DKC1: variants seen among roughly 807,000 people sequenced by gnomAD.
DKC1 encodes the protein H/ACA ribonucleoprotein complex subunit DKC1.
In DKC1, 4 loss-of-function variants were observed where a neutral mutation model predicts 46.7. The ratio of observed to expected loss-of-function variants is 0.09; its 90% CI spans 0.04 to 0.20. DKC1 has a LOEUF of 0.20. DKC1 is among the 10% of genes least tolerant of loss of function. DKC1 has a pLI of 1.00. For missense variants in DKC1, 171 were observed against 404.2 expected, an observed-to-expected ratio of 0.42 and a Z score of 4.95; for synonymous variants, 141 against 142.4, an observed-to-expected ratio of 0.99 and a Z score of 0.07.
chrX:154,775,505 C>T (rs782774556), intron 13 of DKC1, among the ~76,000 whole-genome samples: 1 of 112,010 alleles, frequency 8.9e-6, no homozygotes, highest in African/African-American at 3.2e-5. Context: ...AATGTGGGCT[C>T]AGGAATCAGA....
chrX:154,776,907 T>A lies in DKC1; in HGVS notation c.*40T>A. On this transcript the variant is annotated 3_prime_UTR_variant, in exon 15 of 15. Coordinates refer to ENST00000369550, the MANE Select transcript of DKC1 (RefSeq NM_001363.5). The stretch of plus-strand genomic sequence containing the variant: ...AGCTGGAGGAGAAACTAAAGCCTTA[T>A]TGAGAAAACATGTTATAGATCCTTT... 1.9e-6 allele frequency: 2 copies of A among 1,072,842 alleles called. No homozygotes were observed. The highest frequency in any genetic ancestry group is 2.6e-6 in the Non-Finnish European group (2 of 782,743). 88.4% of individuals were successfully genotyped at this position (1,072,842 alleles called of 1,213,427 possible). A position where few individuals can be genotyped will look rare whatever the true frequency, so the allele number is the denominator to read the frequency against.
At position 154,777,393 on chromosome X, in the gene DKC1, G is replaced by C. The variant is rs1404237122; in HGVS notation, c.*526G>C. ...GATGGGCCTGGTAGTTTTCCATCTT[G>C]TTCTGGCCTAGAGGTCAGTCCTTTG... On this transcript the variant is annotated 3_prime_UTR_variant, in exon 15 of 15. Transcript: ENST00000369550. 2 of 126,428 alleles carry C rather than the reference G, an allele frequency of 1.6e-5. No individual in the cohort carries two copies. Among genetic ancestry groups the C allele is most frequent in the Non-Finnish European group, 3.2e-5 (2 of 62,507 alleles). The allele number at this position is 126,428 out of a possible 1,213,427, so 10.4% of individuals were successfully genotyped here. A position where few individuals can be genotyped will look rare whatever the true frequency, so the allele number is the denominator to read the frequency against.
intron 10 of DKC1, 38 bp from the exon 11 acceptor site, chrX:154,773,093 C>T (rs1458683604): frequency 1.0e-6 from 1 of 955,579 alleles, no homozygotes; most frequent in Non-Finnish European, 1.5e-6. Context: ...AATTCTTTCA[C>T]CCTTCAAATA....
intron 7 of DKC1, 117 bp downstream of exon 7, chrX:154,767,499 A>G (rs1379625515): frequency 5.7e-6 from 5 of 880,353 alleles, no homozygotes; most frequent in Non-Finnish European, 8.3e-6. Context: ...CAGCTGGGAT[A>G]TTGTCTGTGG....
chrX:154,766,282 A>C lies in DKC1; in HGVS notation c.330A>C (p.Arg110=), dbSNP rs782022545. 8.3e-7 allele frequency: 1 copy of C among 1,206,426 alleles called. No individual in the cohort carries two copies. Among genetic ancestry groups the C allele is most frequent in the East Asian group, 3.0e-5 (1 of 33,699 alleles). Reference sequence around the variant, plus strand: ...CCCATGAGGTGGTAGCCTGGATTCGACGGATACTTCGGGTGGAGAAGACAG... The same window carrying C: ...CCCATGAGGTGGTAGCCTGGATTCGCCGGATACTTCGGGTGGAGAAGACAG... ...PSSHEVVAWI[R]RILRVEKTGH... Residue 110 remains arginine, a synonymous_variant, in exon 5 of 15, where the codon CGA becomes CGC. Coordinates refer to ENST00000369550, the MANE Select transcript of DKC1 (RefSeq NM_001363.5).
intron 11 of DKC1, among the ~76,000 whole-genome samples, chrX:154,774,377 C>T (rs937903470): frequency 6.3e-5 from 7 of 111,421 alleles, no homozygotes; most frequent in Non-Finnish European, 1.3e-4. Flanking sequence ...AGAGTGGCTG[C>T]GGTGGGGACG....
In DKC1 at chrX:154,776,791, C is replaced by G; in HGVS notation, c.1477-8C>G. Reference sequence around the variant, plus strand: ...GTATCTGTGAGCTTTCATTCTCTTTCTTTCTAGGACAGTGATACCACCAAG... The same window carrying G: ...GTATCTGTGAGCTTTCATTCTCTTTGTTTCTAGGACAGTGATACCACCAAG... On this transcript the variant is annotated splice_polypyrimidine_tract_variant and splice_region_variant and intron_variant, in intron 14 of 14. Transcript: ENST00000369550. 5.8e-6 allele frequency: 7 copies of G among 1,205,421 alleles called. No individual in the cohort carries two copies. Among genetic ancestry groups the G allele is most frequent in the Non-Finnish European group, 7.9e-6 (7 of 891,157 alleles).
At chrX:154,775,854 G>C (rs1311584594) in intron 13 of DKC1, among the ~76,000 whole-genome samples, 1 of 112,100 alleles carries the variant, frequency 8.9e-6, no homozygotes, top group African/African-American at 3.2e-5. Flanking sequence ...AGGAGCTTCT[G>C]ACTTGTCAGA....
chrX:154,774,791 G>A (rs947460497), intron 12 of DKC1, 86 bp downstream of exon 12: 1 of 847,748 alleles, frequency 1.2e-6, no homozygotes, highest in Non-Finnish European at 1.8e-6. Flanking sequence ...AACAGGTGAG[G>A]ATGGGAAGGT....
Position 154,764,985 on chromosome X carries a change from G to C in DKC1, c.84+19G>C. 3 of 1,154,924 alleles carry C rather than the reference G, an allele frequency of 2.6e-6. No homozygotes were observed. The highest frequency in any genetic ancestry group is 3.6e-6 in the Non-Finnish European group (3 of 844,101). On this transcript the variant is annotated intron_variant, in intron 2 of 14. Transcript: ENST00000369550. ...TGTAGCCGTGAGTAGTAATGTGTTTGACTTCACTTTGACTAAAAAGAAAGT... is the reference window on the plus strand; with the variant it reads ...TGTAGCCGTGAGTAGTAATGTGTTTCACTTCACTTTGACTAAAAAGAAAGT...
In DKC1 at chrX:154,776,327, G is replaced by A; in HGVS notation, c.1476+3G>A. On this transcript the variant is annotated splice_donor_region_variant and intron_variant, in intron 14 of 14. Transcript: ENST00000369550. Reference sequence around the variant, plus strand: ...GCGGGGCCGAGCCTGGAGATGGGGTGTGTGGAAACACGTTCAGGTTCCTTG... The same window carrying A: ...GCGGGGCCGAGCCTGGAGATGGGGTATGTGGAAACACGTTCAGGTTCCTTG... The A allele has an allele frequency of 8.4e-7, 1 of 1,186,787 alleles. No individual in the cohort carries two copies. The highest frequency in any genetic ancestry group is 1.1e-6 in the Non-Finnish European group (1 of 882,427).
chrX:154,768,020 T>C (rs977018357), intron 7 of DKC1: 3 of 294,084 alleles, frequency 1.0e-5, no homozygotes, highest in African/African-American at 8.4e-5. Context: ...CCGGCTAATT[T>C]TTTGTACATT....
At chrX:154,771,778 C>G (rs1479018254) in intron 10 of DKC1, among the ~76,000 whole-genome samples, 1 of 111,929 alleles carries the variant, frequency 8.9e-6, no homozygotes, top group Non-Finnish European at 1.9e-5. Context: ...TTTTCTTTAT[C>G]CATTTATCTG....
chrX:154,772,108 C>A (rs2071833316), intron 10 of DKC1, among the ~76,000 whole-genome samples: 2 of 112,499 alleles, frequency 1.8e-5, no homozygotes, highest in South Asian at 7.3e-4. Context: ...TCGTGATCAG[C>A]ATTGAGCACT....
At chrX:154,765,805 G>A (rs782397171) in intron 3 of DKC1, 102 bp from the exon 4 acceptor site, 12 of 644,755 alleles carry the variant, frequency 1.9e-5, no homozygotes, top group Admixed American at 6.8e-5. Flanking sequence ...AGTCCATCTT[G>A]CAGACCTATG....
In DKC1 at chrX:154,764,885, G is replaced by A. The variant is rs782231492; in HGVS notation, c.17-14G>A. The A allele has an allele frequency of 1.7e-6, 2 of 1,183,772 alleles. No homozygotes were observed. Among genetic ancestry groups the A allele is most frequent in the South Asian group, 3.6e-5 (2 of 56,316 alleles). On this transcript the variant is annotated splice_polypyrimidine_tract_variant and intron_variant, in intron 1 of 14. Coordinates refer to ENST00000369550, the MANE Select transcript of DKC1 (RefSeq NM_001363.5). Reference sequence around the variant, plus strand: ...CTTGGGGAAAATTCCCAAATCCTGTGTTTGTTTTTTTAGTAATTATTTTGC... The same window carrying A: ...CTTGGGGAAAATTCCCAAATCCTGTATTTGTTTTTTTAGTAATTATTTTGC...
intron 9 of DKC1, 102 bp downstream of exon 9, chrX:154,769,412 G>A: frequency 1.1e-6 from 1 of 947,546 alleles, no homozygotes; most frequent in Non-Finnish European, 1.5e-6. Context: ...TTTTTTTCAA[G>A]TCCAAACCAA....
intron 1 of DKC1, 60 bp downstream of exon 1, chrX:154,763,041 G>A: frequency 2.6e-6 from 3 of 1,140,611 alleles, no homozygotes; most frequent in South Asian, 3.8e-5. Context: ...ACGGGGGTGG[G>A]GGGATGGTAT....
chrX:154,762,912 T>A lies in DKC1; in HGVS notation c.-54T>A. On this transcript the variant is annotated 5_prime_UTR_variant, in exon 1 of 15. Coordinates refer to ENST00000369550, the MANE Select transcript of DKC1 (RefSeq NM_001363.5). ...TGACGGGACCAAGGCGGCGGGAGTC[T>A]GCGGTCGTTCCCTCGGCTGTGGACC... The A allele has an allele frequency of 8.6e-7, 1 of 1,166,085 alleles. No individual in the cohort carries two copies. The highest frequency in any genetic ancestry group is 1.9e-5 in the South Asian group (1 of 52,835).
Sources: gnomAD v4.1 joint callset for allele counts (sites outside exome capture counted in the v4.1 genomes callset) on GRCh38, gnomAD v4.1.1 for gene constraint, MANE v1.5 for transcripts, NCBI Gene and HGNC (gene_info 2026-07-23, HGNC 2026-07-21) for gene names.